The following SEM1 variants were observed in gnomAD, a reference collection of about 807,000 sequenced individuals.
SEM1 encodes 26S proteasome complex subunit SEM1.
SEM1 carries 3 observed loss-of-function variants against 12.7 expected under a neutral mutation model. That is an observed-to-expected ratio of 0.24 (90% confidence interval 0.11 to 0.61). The LOEUF is 0.61. SEM1 is among the 20% of genes least tolerant of loss of function. The probability of loss-of-function intolerance (pLI) is 0.88; values close to 1 mark genes in which losing one functional copy is unlikely to be tolerated. For synonymous variants in SEM1, 30 were observed against 27.8 expected, an observed-to-expected ratio of 1.08 and a Z score of -0.25; for missense variants, 59 against 81.3, an observed-to-expected ratio of 0.73 and a Z score of 1.06.
At chr7:96,600,480 A>C (rs1332367506) in intron 2 of SEM1, among the ~76,000 whole-genome samples, 3 of 152,176 alleles carry the variant, frequency 2.0e-5, no homozygotes, top group Non-Finnish European at 4.4e-5. Flanking sequence ...TATGCCAAGC[A>C]TTTGGCATTT....
intron 2 of SEM1, among the ~76,000 whole-genome samples, chr7:96,675,143 A>G (rs1789419281): frequency 6.6e-6 from 1 of 151,942 alleles, no homozygotes; most frequent in South Asian, 2.1e-4. Flanking sequence ...TGGAAAATAT[A>G]GTTGCATTTC....
chr7:96,541,372 C>A (rs1329847475), intron 2 of SEM1, among the ~76,000 whole-genome samples: 1 of 147,600 alleles, frequency 6.8e-6, no homozygotes, highest in African/African-American at 2.5e-5. Context: ...TATTTGTTTG[C>A]TGCTTGTATG....
intron 2 of SEM1, among the ~76,000 whole-genome samples, chr7:96,589,751 A>T (rs1344163641): frequency 2.0e-5 from 3 of 152,176 alleles, no homozygotes; most frequent in Non-Finnish European, 4.4e-5. Flanking sequence ...TTGTTTCCTA[A>T]TATTTTTCCT....
chr7:96,530,550 C>T (rs1804607377), intron 2 of SEM1, among the ~76,000 whole-genome samples: 1 of 152,064 alleles, frequency 6.6e-6, no homozygotes, highest in Admixed American at 6.6e-5. Context: ...AGGAATTTGC[C>T]TGGAAGTCAT....
At chr7:96,700,201 TTACA>T (rs67134765) in intron 1 of SEM1, among the ~76,000 whole-genome samples, 51,898 of 151,738 alleles carry the variant, frequency 0.34, 10,230 homozygotes, top group East Asian at 0.67. Context: ...AAATCCTTTA[TTACA>T]TACATGCTAA....
At chr7:96,663,701 T>C (rs1488296455) in intron 2 of SEM1, among the ~76,000 whole-genome samples, 1 of 152,106 alleles carries the variant, frequency 6.6e-6, no homozygotes, top group East Asian at 1.9e-4. Flanking sequence ...TGCACTCCCA[T>C]GGTTACCACA....
chr7:96,499,221 A>G (rs2117256296), upstream of SEM1, among the ~76,000 whole-genome samples: 1 of 152,338 alleles, frequency 6.6e-6, no homozygotes, highest in Middle Eastern at 3.4e-3. Flanking sequence ...TACATAACTA[A>G]TTCAGCCTAA....
intron 2 of SEM1, among the ~76,000 whole-genome samples, chr7:96,634,377 G>A (rs902858843): frequency 6.6e-6 from 1 of 151,772 alleles, no homozygotes; most frequent in African/African-American, 2.4e-5. Context: ...CAGAAAATAA[G>A]AAACAAAAAC....
intron 2 of SEM1, chr7:96,637,273 C>T (rs1442615416): frequency 6.6e-6 from 1 of 152,076 alleles, no homozygotes; most frequent in African/African-American, 2.4e-5. Context: ...GCGTTCTTCA[C>T]CCTCACACAG....
chr7:96,625,007 C>G (rs573012707), intron 2 of SEM1, among the ~76,000 whole-genome samples: 123 of 152,242 alleles, frequency 8.1e-4, no homozygotes, highest in African/African-American at 2.6e-3. Flanking sequence ...ACTGACTCTA[C>G]CTAAGTGAAA....
At chr7:96,692,484 G>T (rs557346207) in intron 2 of SEM1, among the ~76,000 whole-genome samples, 1 of 152,074 alleles carries the variant, frequency 6.6e-6, no homozygotes. Flanking sequence ...ATGCCAAGGC[G>T]GAACAAAAGG....
intron 2 of SEM1, chr7:96,647,521 G>C (rs926811107): frequency 2.0e-5 from 3 of 152,058 alleles, no homozygotes; most frequent in Non-Finnish European, 4.4e-5. Context: ...GAACATGGCC[G>C]TTTTCTTTTG....
At chr7:96,564,615 A>G (rs1171271798) in intron 2 of SEM1, among the ~76,000 whole-genome samples, 1 of 151,966 alleles carries the variant, frequency 6.6e-6, no homozygotes, top group Non-Finnish European at 1.5e-5. Context: ...TGGATCATTA[A>G]GTGAGAATGG....
At chr7:96,510,009 T>C (rs1803888634) in intron 2 of SEM1, among the ~76,000 whole-genome samples, 1 of 152,138 alleles carries the variant, frequency 6.6e-6, no homozygotes, top group Admixed American at 6.6e-5. Context: ...ATATACTTAA[T>C]ACTGCTGAAC....
intron 3 of SEM1, among the ~76,000 whole-genome samples, chr7:96,503,925 C>G (rs191310784): frequency 6.6e-6 from 1 of 152,228 alleles, no homozygotes; most frequent in African/African-American, 2.4e-5. Flanking sequence ...ATCCAGTTCA[C>G]AGAGATCCTG....
chr7:96,518,856 C>T (rs958938686), intron 2 of SEM1, among the ~76,000 whole-genome samples: 3 of 152,144 alleles, frequency 2.0e-5, no homozygotes, highest in Non-Finnish European at 4.4e-5. Flanking sequence ...CATGCAATGG[C>T]CTGCATGGCC....
intron 2 of SEM1, among the ~76,000 whole-genome samples, chr7:96,526,446 G>A (rs1382566996): frequency 6.6e-6 from 1 of 151,924 alleles, no homozygotes; most frequent in East Asian, 1.9e-4. Flanking sequence ...ACGGGGGAGA[G>A]GAAGGCATAG....
intron 2 of SEM1, among the ~76,000 whole-genome samples, chr7:96,517,506 A>G (rs934727944): frequency 1.3e-5 from 2 of 152,140 alleles, no homozygotes; most frequent in African/African-American, 2.4e-5. Context: ...GAAATTCTTT[A>G]TCTTTCGGGT....
At chr7:96,556,274 T>G (rs539940329) in intron 2 of SEM1, among the ~76,000 whole-genome samples, 1 of 151,578 alleles carries the variant, frequency 6.6e-6, no homozygotes, top group Non-Finnish European at 1.5e-5. Context: ...TGATGCAGTT[T>G]CTTCCTAGTC....
Sources: gnomAD v4.1 joint callset for allele counts (sites outside exome capture counted in the v4.1 genomes callset) on GRCh38, gnomAD v4.1.1 for gene constraint, MANE v1.5 for transcripts, NCBI Gene and HGNC (gene_info 2026-07-23, HGNC 2026-07-21) for gene names.